The following DMD variants were observed in gnomAD, a reference collection of about 807,000 sequenced individuals.
The protein encoded by DMD is dystrophin, also known as mutant dystrophin.
A neutral mutation model predicts 330.1 loss-of-function variants in DMD; 63 were observed. That is an observed-to-expected ratio of 0.19 (90% CI 0.16 to 0.24). The LOEUF (loss-of-function observed/expected upper bound fraction) is 0.24, where lower values mean the gene tolerates loss of function less well. DMD is among the 10% of genes least tolerant of loss of function. The pLI, the probability that DMD is intolerant of heterozygous loss-of-function variation, is 1.00. For missense variants in DMD, 3,344 were observed against 2,684.1 expected, an observed-to-expected ratio of 1.25 and a Z score of -5.43; for synonymous variants, 1,223 against 959.8, an observed-to-expected ratio of 1.27 and a Z score of -5.07.
intron 2 of DMD, among the ~76,000 whole-genome samples, chrX:32,979,956 G>T (rs939049669): frequency 1.8e-5 from 2 of 111,617 alleles, no homozygotes; most frequent in Non-Finnish European, 3.8e-5. Context: ...GCTGTTAAAA[G>T]GTAGAGCCCT....
In DMD at chrX:31,180,454, A is replaced by G. The variant is rs1460695387; in HGVS notation, c.10002T>C (p.Tyr3334=). 3.3e-6 allele frequency: 4 copies of G among 1,204,127 alleles called. No homozygotes were observed. Among genetic ancestry groups the G allele is most frequent in the African/African-American group, 1.8e-5 (1 of 57,060 alleles). Residue 3334 remains tyrosine, a synonymous_variant, in exon 69 of 79, where the codon TAT becomes TAC. Transcript: ENST00000357033. The part of the protein sequence containing the change: ...FRYRSLKHFN[Y]DICQSCFFSG... ...AAAAAAAGCAGCTTTGGCAGATGTC[A>G]TAATTAAAGTGCTTTAGACTCCTGT...
chrX:33,300,932 A>AT (rs1188994830), intron 1 of DMD, among the ~76,000 whole-genome samples: 1 of 111,705 alleles, frequency 9.0e-6, no homozygotes, highest in East Asian at 2.8e-4. Context: ...AATATCAAAG[A>AT]TTTTTTAAGA....
At chrX:33,165,642 A>G (rs954575321) in intron 1 of DMD, among the ~76,000 whole-genome samples, 2 of 111,787 alleles carry the variant, frequency 1.8e-5, no homozygotes, top group Non-Finnish European at 3.8e-5. Context: ...AATGTTTCTC[A>G]GCTAAGGGAC....
At chrX:31,803,783 T>C (rs901148860) in intron 50 of DMD, among the ~76,000 whole-genome samples, 1 of 109,973 alleles carries the variant, frequency 9.1e-6, no homozygotes, top group Non-Finnish European at 1.9e-5. Flanking sequence ...CACCGCAACC[T>C]CCACCTCCTG....
chrX:31,871,747 C>T (rs2093894946), intron 48 of DMD, among the ~76,000 whole-genome samples: 1 of 107,521 alleles, frequency 9.3e-6, no homozygotes, highest in Non-Finnish European at 1.9e-5. Flanking sequence ...GGCATGTGCT[C>T]AAAACTCCTT....
At chrX:32,412,332 C>T in intron 29 of DMD, 2 of 615,373 alleles carry the variant, frequency 3.3e-6, no homozygotes, top group Non-Finnish European at 4.7e-6. Context: ...AATCTGCTTC[C>T]ACCAGTGAGA....
At chrX:31,556,885 A>G (rs764419969) in intron 55 of DMD, among the ~76,000 whole-genome samples, 1 of 111,736 alleles carries the variant, frequency 8.9e-6, no homozygotes, top group Non-Finnish European at 1.9e-5. Context: ...ATGCCACTAT[A>G]AAATTAAATA....
chrX:31,254,071 G>A (rs924277819), intron 63 of DMD, among the ~76,000 whole-genome samples: 2 of 112,167 alleles, frequency 1.8e-5, no homozygotes, highest in African/African-American at 6.5e-5. Context: ...GGTTAAGAGG[G>A]CTTCAATGAA....
intron 7 of DMD, among the ~76,000 whole-genome samples, chrX:32,764,143 C>T (rs1291963135): frequency 9.3e-6 from 1 of 108,020 alleles, no homozygotes. Flanking sequence ...GTTTAGAGAA[C>T]AATCTGGAAA....
intron 4 of DMD, among the ~76,000 whole-genome samples, chrX:32,829,822 A>C (rs2079021657): frequency 8.9e-6 from 1 of 111,778 alleles, no homozygotes; most frequent in Admixed American, 9.5e-5. Context: ...ATCAAAGATA[A>C]ATGAAGCTTC....
At chrX:31,131,481 T>C (rs16989373) in intron 77 of DMD, among the ~76,000 whole-genome samples, 6,060 of 111,439 alleles carry the variant, frequency 0.054, 276 homozygotes, top group South Asian at 0.15. Flanking sequence ...TTTATATCTT[T>C]ACCCCAGTTT....
intron 11 of DMD, among the ~76,000 whole-genome samples, chrX:32,631,082 A>C (rs2058699010): frequency 8.9e-6 from 1 of 112,172 alleles, no homozygotes; most frequent in Non-Finnish European, 1.9e-5. Flanking sequence ...TGACTCTTGC[A>C]GACTGTTAAA....
At chrX:31,511,257 T>C (rs1206296509) in intron 55 of DMD, among the ~76,000 whole-genome samples, 1 of 108,536 alleles carries the variant, frequency 9.2e-6, no homozygotes, top group African/African-American at 3.3e-5. Flanking sequence ...TATAATATAA[T>C]ATAACATAAC....
chrX:31,714,977 A>G (rs1416501605), intron 52 of DMD, among the ~76,000 whole-genome samples: 1 of 111,038 alleles, frequency 9.0e-6, no homozygotes, highest in East Asian at 2.8e-4. Context: ...CCACATGTTG[A>G]TATTTATTCT....
intron 62 of DMD, among the ~76,000 whole-genome samples, chrX:31,317,940 G>A (rs1320002899): frequency 8.9e-6 from 1 of 112,246 alleles, no homozygotes; most frequent in Non-Finnish European, 1.9e-5. Flanking sequence ...TTGCTGTTAA[G>A]GCTAAGATGT....
In DMD at chrX:32,348,458, G is replaced by A. The variant is rs1425652193; in HGVS notation, c.5396C>T (p.Ala1799Val). The change falls in exon 38 of 79, where the codon GCT becomes GTT. Residue 1799 changes from alanine to valine, a missense_variant. Physicochemically the swap from Ala to Val is moderately conservative, Grantham distance 64. Coordinates refer to ENST00000357033, the MANE Select transcript of DMD (RefSeq NM_004006.3). ...CAGATTCACCCCCTGCTGAATTTCA[G>A]CCTCCAGTGGTTCAAGCAATTTTTG... The part of the protein sequence containing the change: ...DIQKLLEPLE[A>V]EIQQGVNLKE... 1 of 1,205,916 alleles carries A rather than the reference G, an allele frequency of 8.3e-7. No individual in the cohort carries two copies. The highest frequency in any genetic ancestry group is 1.1e-6 in the Non-Finnish European group (1 of 891,137).
chrX:32,772,684 T>C (rs1005653844), intron 7 of DMD, among the ~76,000 whole-genome samples: 2 of 111,076 alleles, frequency 1.8e-5, no homozygotes, highest in African/African-American at 3.3e-5. Context: ...CCTATGTAAG[T>C]GAACTAATAT....
chrX:32,819,830 A>C (rs192609772), intron 5 of DMD, among the ~76,000 whole-genome samples: 2,724 of 105,845 alleles, frequency 0.026, 40 homozygotes, highest in Non-Finnish European at 0.038. Context: ...AATAGGAAGA[A>C]AATATGTAAT....
At chrX:31,171,236 G>T (rs1468170500) in intron 73 of DMD, among the ~76,000 whole-genome samples, 1 of 112,034 alleles carries the variant, frequency 8.9e-6, no homozygotes, top group Non-Finnish European at 1.9e-5. Context: ...ATATACAAAT[G>T]ACTGAGGGTT....
Sources: gnomAD v4.1 joint callset for allele counts (sites outside exome capture counted in the v4.1 genomes callset) on GRCh38, gnomAD v4.1.1 for gene constraint, MANE v1.5 for transcripts, NCBI Gene and HGNC (gene_info 2026-07-23, HGNC 2026-07-21) for gene names.